Variants in ZNF813 observed in about 807,000 individuals in gnomAD.
ZNF813 encodes the protein zinc finger protein 813.
Under a neutral mutation model 7.2 loss-of-function variants are expected in ZNF813, and 3 were observed. The ratio of observed to expected loss-of-function variants is 0.42; its 90% CI spans 0.19 to 1.08. ZNF813 has a LOEUF of 1.08. ZNF813 is among the 50% of genes least tolerant of loss of function. The pLI is 0.30. For missense variants in ZNF813, 714 were observed against 753.3 expected (o/e 0.95, Z 0.61); for synonymous variants, 227 against 256.3 (o/e 0.89, Z 1.09).
At chr19:53,483,673 C>G in intron 1 of ZNF813, 77 bp from the exon 2 acceptor site, 1 of 1,418,168 alleles carries the variant, frequency 7.1e-7, no homozygotes, top group Non-Finnish European at 9.6e-7. Flanking sequence ...GATGAGGTCT[C>G]CTTTGTATGT....
chr19:53,488,207 G>A (rs571641949), intron 3 of ZNF813: 15 of 454,328 alleles, frequency 3.3e-5, no homozygotes, highest in Middle Eastern at 3.5e-4. Context: ...TGTTTTAATA[G>A]ACACAGGGTT....
In ZNF813 at chr19:53,494,586, T is replaced by C. The variant is rs982507186; in HGVS notation, c.*2500T>C. The C allele has an allele frequency of 3.3e-5, 5 of 150,464 alleles. No individual in the cohort carries two copies. The highest frequency in any genetic ancestry group is 7.4e-5 in the Non-Finnish European group (5 of 67,868). 9.3% of individuals were successfully genotyped at this position (150,464 alleles called of 1,614,324 possible). ...TGAACCCGGGAGGCAGAGATTGCTG[T>C]GAGCCGAGATTGCACCATTGCACTC... On this transcript the variant is annotated 3_prime_UTR_variant, in exon 4 of 4. Coordinates refer to ENST00000396403, the MANE Select transcript of ZNF813 (RefSeq NM_001004301.4).
chr19:53,468,223 C>CG (rs767753727), intron 1 of ZNF813, among the ~76,000 whole-genome samples: 6 of 69,494 alleles, frequency 8.6e-5, no homozygotes, highest in East Asian at 9.6e-4. Flanking sequence ...CCTCGCGCCC[C>CG]CCCCCCCCCA....
chr19:53,492,877 G>A lies in ZNF813; in HGVS notation c.*791G>A, dbSNP rs1305076935. Reference sequence around the variant, plus strand: ...AATTCATACAGGAGAGAAACCTCACGTGTGATGATTGTGGCAAAGCCTTTA... The same window carrying A: ...AATTCATACAGGAGAGAAACCTCACATGTGATGATTGTGGCAAAGCCTTTA... On this transcript the variant is annotated 3_prime_UTR_variant, in exon 4 of 4. Coordinates refer to ENST00000396403, the MANE Select transcript of ZNF813 (RefSeq NM_001004301.4). The A allele has an allele frequency of 4.5e-5, 18 of 399,464 alleles. No homozygotes were observed. The highest frequency in any genetic ancestry group is 1.4e-4 in the Admixed American group (5 of 36,390). The allele number at this position is 399,464 out of a possible 1,614,324, so 24.7% of individuals were successfully genotyped here. A position where few individuals can be genotyped will look rare whatever the true frequency, so the allele number is the denominator to read the frequency against.
chr19:53,479,418 TGAG>T (rs1456285136), intron 1 of ZNF813: 10 of 1,578,932 alleles, frequency 6.3e-6, no homozygotes, highest in Non-Finnish European at 8.6e-6. Context: ...AGGCAGATGA[TGAG>T]GAGTGAGCTG....
At position 53,491,559 on chromosome 19, in the gene ZNF813, G is replaced by T. The variant is rs2086462446; in HGVS notation, c.1327G>T (p.Glu443Ter). 2.5e-6 allele frequency: 4 copies of T among 1,613,364 alleles called. No individual in the cohort carries two copies. Among genetic ancestry groups the T allele is most frequent in the Admixed American group, 3.3e-5 (2 of 59,952 alleles). The part of the protein sequence containing the change: ...HSGEKPYKCT[E>*]CVKTFSRNSA... ...TGGAGAGAAACCCTACAAGTGTACT[G>T]AGTGTGTCAAGACGTTCAGTCGAAA... Residue 443 changes from glutamate (E) to a stop codon, truncating the protein, a stop_gained, in exon 4 of 4, where the codon GAG becomes TAG. Coordinates refer to ENST00000396403, the MANE Select transcript of ZNF813 (RefSeq NM_001004301.4). LOFTEE classifies it low-confidence loss of function (END_TRUNC).
At chr19:53,470,979 T>C (rs79857355) in intron 1 of ZNF813, among the ~76,000 whole-genome samples, 1 of 152,176 alleles carries the variant, frequency 6.6e-6, no homozygotes, top group Non-Finnish European at 1.5e-5. Context: ...GCATGTAAAT[T>C]GGGGTGCGGT....
chr19:53,491,328 C>A lies in ZNF813; in HGVS notation c.1096C>A (p.Arg366=). ...TAATGAGTGTGGCAAGACCTTTAGT[C>A]GGAAGTCATCCCTTACATGCCATCA... ...KCNECGKTFS[R]KSSLTCHHRL... The change falls in exon 4 of 4, where the codon CGG becomes AGG. Residue 366 remains arginine, a synonymous_variant. Transcript: ENST00000396403. 6.2e-7 allele frequency: 1 copy of A among 1,612,802 alleles called. No individual in the cohort carries two copies. Among genetic ancestry groups the A allele is most frequent in the Non-Finnish European group, 8.5e-7 (1 of 1,179,206 alleles).
Position 53,492,487 on chromosome 19 carries a change from CG to C in ZNF813, c.*404del. 1 of 434,478 alleles carries C rather than the reference CG, an allele frequency of 2.3e-6. No individual in the cohort carries two copies. Among genetic ancestry groups the C allele is most frequent in the Non-Finnish European group, 4.5e-6 (1 of 220,742 alleles). 26.9% of individuals were successfully genotyped at this position (434,478 alleles called of 1,614,324 possible). A position where few individuals can be genotyped will look rare whatever the true frequency, so the allele number is the denominator to read the frequency against. ...TTGTAAGAGTTCGTGACAAGGCTTT[CG>C]GGCATGACTCACACCTGGCACAACA... On this transcript the variant is annotated 3_prime_UTR_variant, in exon 4 of 4. Coordinates refer to ENST00000396403, the MANE Select transcript of ZNF813 (RefSeq NM_001004301.4).
At chr19:53,477,406 C>A (rs1254121904) in intron 1 of ZNF813, among the ~76,000 whole-genome samples, 1 of 150,964 alleles carries the variant, frequency 6.6e-6, no homozygotes, top group African/African-American at 2.4e-5. Context: ...TCTGCTACTA[C>A]TGGCGCATGA....
rs143292203 is a variant in ZNF813 at position 53,491,210 on chromosome 19, A to C, written c.978A>C (p.Pro326=). The C allele has an allele frequency of 1.2e-3, 2,008 of 1,613,912 alleles. 9 individuals carry two copies. The highest frequency in any genetic ancestry group is 3.1e-3 in the Middle Eastern group (19 of 6,062). The change falls in exon 4 of 4, where the codon CCA becomes CCC. Residue 326 remains proline, a synonymous_variant. Transcript: ENST00000396403. Reference sequence around the variant, plus strand: ...GGAGAATTCATGCTGGAGAAAAACCATACAAGTGTAATGAATGTGGCAAGA... The same window carrying C: ...GGAGAATTCATGCTGGAGAAAAACCCTACAAGTGTAATGAATGTGGCAAGA... ...RHRRIHAGEK[P]YKCNECGKTF...
At chr19:53,470,682 A>G (rs2617706) in intron 1 of ZNF813, among the ~76,000 whole-genome samples, 33,704 of 123,894 alleles carry the variant, frequency 0.27, 5,240 homozygotes, top group African/African-American at 0.32. Flanking sequence ...AGAGGGACTC[A>G]GGAGTCTACT....
rs112352886 is a variant in ZNF813, at chr19:53,496,027, G to T, written c.*3941G>T. On this transcript the variant is annotated 3_prime_UTR_variant, in exon 4 of 4. Transcript: ENST00000396403. ...AGGAGACATTGGAGAAGAACGAAGC[G>T]GGGTCTATAAGGAATTGCACGTGAG... is the stretch of plus-strand genomic sequence containing the variant. The T allele has an allele frequency of 0.016, 5,451 of 348,202 alleles. 542 individuals carry two copies. The highest frequency in any genetic ancestry group is 0.1 in the African/African-American group (4,863 of 47,268). The allele number at this position is 348,202 out of a possible 1,614,324, so 21.6% of individuals were successfully genotyped here.
At chr19:53,486,159 G>A (rs2086432793) in intron 2 of ZNF813, among the ~76,000 whole-genome samples, 1 of 152,136 alleles carries the variant, frequency 6.6e-6, no homozygotes, top group African/African-American at 2.4e-5. Context: ...CACTTGCTGT[G>A]TCAATAAAAG....
chr19:53,486,901 T>A, intron 3 of ZNF813, 143 bp downstream of exon 3: 1 of 1,490,986 alleles, frequency 6.7e-7, no homozygotes. Context: ...CTTGAATTCC[T>A]GGGCTCAAGT....
intron 1 of ZNF813, among the ~76,000 whole-genome samples, chr19:53,472,141 G>T (rs1426037706): frequency 6.6e-6 from 1 of 152,124 alleles, no homozygotes; most frequent in East Asian, 1.9e-4. Context: ...AGACATGTAT[G>T]GGGTAACCTG....
chr19:53,476,220 T>C lies in ZNF813; in HGVS notation c.-73-7530T>C, dbSNP rs530709953. On this transcript the variant is annotated intron_variant, in intron 1 of 3. Coordinates refer to ENST00000396403, the MANE Select transcript of ZNF813 (RefSeq NM_001004301.4). ...ATGGAAGAGATCCTGGGTTCCCCGA[T>C]AACAGTCCTCTTAGATTGGGGCCGG... Among the ~76,000 whole-genome samples the C allele has an allele frequency of 8.4e-4, 128 of 152,306 alleles. 2 individuals are homozygous for C. The highest frequency in any genetic ancestry group is 1.3e-3 in the Non-Finnish European group (91 of 68,016).
chr19:53,488,525 C>A (rs1229994659), intron 3 of ZNF813, among the ~76,000 whole-genome samples: 2 of 151,456 alleles, frequency 1.3e-5, no homozygotes, highest in African/African-American at 4.9e-5. Context: ...TTTCCTGCCT[C>A]AGTCCCCCAA....
chr19:53,471,422 C>G (rs1347210352), intron 1 of ZNF813, among the ~76,000 whole-genome samples: 2 of 152,090 alleles, frequency 1.3e-5, no homozygotes, highest in Non-Finnish European at 2.9e-5. Flanking sequence ...TTATAATATT[C>G]CTGTCTTAAA....
Sources: gnomAD v4.1 joint callset for allele counts (sites outside exome capture counted in the v4.1 genomes callset) on GRCh38, gnomAD v4.1.1 for gene constraint, MANE v1.5 for transcripts, NCBI Gene and HGNC (gene_info 2026-07-23, HGNC 2026-07-21) for gene names.